LRCH1: variants seen among roughly 807,000 people sequenced by gnomAD.
The protein encoded by LRCH1 is leucine rich repeats and calponin homology domain containing 1, also known as leucine-rich repeat and calponin homology domain-containing protein 1.
LRCH1 carries 23 observed loss-of-function variants against 94.9 expected under a neutral mutation model. That is an observed-to-expected ratio of 0.24 (90% CI 0.17 to 0.34). The LOEUF (loss-of-function observed/expected upper bound fraction) is 0.34. LRCH1 is among the 10% of genes least tolerant of loss of function. LRCH1 has a pLI of 1.00. For synonymous variants in LRCH1, 364 were observed against 354.9 expected, an observed-to-expected ratio of 1.03 and a Z score of -0.29; for missense variants, 790 against 945.9, an observed-to-expected ratio of 0.84 and a Z score of 2.16.
At chr13:46,744,989 C>T, downstream of LRCH1, 1 of 817,546 alleles carries the variant, frequency 1.2e-6, no homozygotes, top group Non-Finnish European at 1.5e-6. Flanking sequence ...TTCATTCCTT[C>T]ATTCCATAAA....
chr13:46,712,670 A>T, intron 15 of LRCH1, 73 bp downstream of exon 15: 1 of 1,307,728 alleles, frequency 7.6e-7, no homozygotes, highest in East Asian at 2.3e-5. Context: ...AAGTGTATGC[A>T]TTATCAATGT....
chr13:46,607,679 G>A (rs2050703405), intron 1 of LRCH1, among the ~76,000 whole-genome samples: 2 of 145,856 alleles, frequency 1.4e-5, no homozygotes, highest in South Asian at 2.1e-4. Context: ...ACACAGTCTC[G>A]CTCTGTTAAA....
At chr13:46,694,793 CAGA>C in intron 8 of LRCH1, 97 bp from the exon 9 acceptor site, 1 of 1,309,668 alleles carries the variant, frequency 7.6e-7, no homozygotes, top group Non-Finnish European at 1.1e-6. Context: ...ATAGGGAACA[CAGA>C]AGACTTGAAG....
chr13:46,590,931 T>C (rs1002348541), intron 1 of LRCH1, among the ~76,000 whole-genome samples: 1 of 152,178 alleles, frequency 6.6e-6, no homozygotes, highest in African/African-American at 2.4e-5. Flanking sequence ...TTTTAGGAGC[T>C]GAGATGTTTC....
intron 17 of LRCH1, among the ~76,000 whole-genome samples, chr13:46,726,010 TTCTGAAAGAAATTTATATAACAC>T (rs1872798044): frequency 1.3e-5 from 2 of 152,246 alleles, no homozygotes; most frequent in Non-Finnish European, 2.9e-5. Flanking sequence ...CACAGGACAG[TTCTGAAAGAAATTTATATAACAC>T]TATTATATGC....
intron 1 of LRCH1, among the ~76,000 whole-genome samples, chr13:46,637,492 C>T (rs1343260437): frequency 6.6e-6 from 1 of 152,210 alleles, no homozygotes; most frequent in African/African-American, 2.4e-5. Context: ...TGTCCCCTCG[C>T]TGGAGTCCCA....
chr13:46,736,367 C>T (rs900884497), intron 19 of LRCH1, among the ~76,000 whole-genome samples: 5 of 152,088 alleles, frequency 3.3e-5, no homozygotes, highest in African/African-American at 1.2e-4. Context: ...TTTCATCTCA[C>T]AGAGTACAGG....
At chr13:46,659,519 A>C (rs1394457612) in intron 2 of LRCH1, among the ~76,000 whole-genome samples, 1 of 152,168 alleles carries the variant, frequency 6.6e-6, no homozygotes, top group Non-Finnish European at 1.5e-5. Context: ...ATATCACCAC[A>C]TACAAGAATT....
chr13:46,678,170 G>A (rs1190213353), intron 3 of LRCH1, among the ~76,000 whole-genome samples: 1 of 152,042 alleles, frequency 6.6e-6, no homozygotes, highest in Admixed American at 6.6e-5. Flanking sequence ...CTTATCTTAG[G>A]CTGAATTTGA....
intron 8 of LRCH1, among the ~76,000 whole-genome samples, chr13:46,693,907 C>G (rs1363491825): frequency 1.4e-5 from 2 of 139,010 alleles, no homozygotes; most frequent in African/African-American, 5.1e-5. Flanking sequence ...GGAATTTGCT[C>G]TTATTCATGA....
At chr13:46,750,648 T>A in exon 19 of LRCH1, 1 of 1,545,486 alleles carries the variant, frequency 6.5e-7, no homozygotes, top group Non-Finnish European at 8.8e-7. Context: ...TCTGTTCACA[T>A]GAAACTACCC....
chr13:46,629,737 G>T (rs184086277), intron 1 of LRCH1, among the ~76,000 whole-genome samples: 1 of 152,196 alleles, frequency 6.6e-6, no homozygotes, highest in Non-Finnish European at 1.5e-5. Flanking sequence ...CTATTATGTC[G>T]CATGTCACTT....
intron 2 of LRCH1, among the ~76,000 whole-genome samples, chr13:46,660,979 T>A (rs1313038350): frequency 2.6e-5 from 4 of 152,224 alleles, no homozygotes; most frequent in Non-Finnish European, 4.4e-5. Flanking sequence ...CTACTGTTTT[T>A]CTCCAGCACC....
chr13:46,640,983 C>T (rs1229136456), intron 1 of LRCH1, among the ~76,000 whole-genome samples: 8 of 152,108 alleles, frequency 5.3e-5, no homozygotes, highest in Non-Finnish European at 1.0e-4. Context: ...ATATTTCTGC[C>T]TATTTAACCC....
At chr13:46,656,138 C>A (rs1328659021) in intron 2 of LRCH1, among the ~76,000 whole-genome samples, 1 of 152,230 alleles carries the variant, frequency 6.6e-6, no homozygotes, top group Non-Finnish European at 1.5e-5. Flanking sequence ...CTGGGAGTCA[C>A]ACTGAGAAGT....
chr13:46,565,214 A>C (rs959120563), intron 1 of LRCH1, among the ~76,000 whole-genome samples: 1 of 152,248 alleles, frequency 6.6e-6, no homozygotes, highest in African/African-American at 2.4e-5. Flanking sequence ...CAGTGTTATA[A>C]GGCACAGAAA....
At chr13:46,656,747 C>T (rs1487742870) in intron 2 of LRCH1, among the ~76,000 whole-genome samples, 1 of 152,206 alleles carries the variant, frequency 6.6e-6, no homozygotes, top group Non-Finnish European at 1.5e-5. Context: ...AGGTGGAACC[C>T]GTAGCCAATG....
chr13:46,749,769 G>T (rs775470256), downstream of LRCH1, among the ~76,000 whole-genome samples: 1 of 152,150 alleles, frequency 6.6e-6, no homozygotes, highest in African/African-American at 2.4e-5. Context: ...ATCAGACCAG[G>T]GTGAAATAAC....
intron 1 of LRCH1, among the ~76,000 whole-genome samples, chr13:46,645,556 A>C (rs981996766): frequency 6.6e-6 from 1 of 152,352 alleles, no homozygotes. Context: ...CATAAATCTT[A>C]GCTTTGAAAA....
Sources: gnomAD v4.1 joint callset for allele counts (sites outside exome capture counted in the v4.1 genomes callset) on GRCh38, gnomAD v4.1.1 for gene constraint, MANE v1.5 for transcripts, NCBI Gene and HGNC (gene_info 2026-07-23, HGNC 2026-07-21) for gene names.